Variants in AGBL1 observed in about 807,000 individuals in gnomAD.
AGBL1 encodes AGBL carboxypeptidase 1, also known as cytosolic carboxypeptidase 4.
A neutral mutation model predicts 118.9 loss-of-function variants in AGBL1; 130 were observed. That is an observed-to-expected ratio of 1.09 (90% confidence interval 0.95 to 1.26). The LOEUF (loss-of-function observed/expected upper bound fraction) is 1.26. Among genes scored for constraint, AGBL1 ranks in the 50% most tolerant of loss-of-function variants. The probability of loss-of-function intolerance (pLI) is 0.00; values close to 1 mark genes in which losing one functional copy is unlikely to be tolerated. For missense variants in AGBL1, 1,584 were observed against 1,298.1 expected, an observed-to-expected ratio of 1.22 and a Z score of -3.38; for synonymous variants, 555 against 478.9, an observed-to-expected ratio of 1.16 and a Z score of -2.08.
At chr15:86,492,367 A>C (rs543239362) in intron 18 of AGBL1, among the ~76,000 whole-genome samples, 14 of 152,214 alleles carry the variant, frequency 9.2e-5, no homozygotes, top group African/African-American at 3.4e-4. Context: ...AGGTGGGTGG[A>C]TCACTTGAGG....
intron 6 of AGBL1, among the ~76,000 whole-genome samples, chr15:86,241,527 T>C (rs2078640949): frequency 6.6e-6 from 1 of 152,292 alleles, no homozygotes; most frequent in East Asian, 1.9e-4. Flanking sequence ...TTTTTTTTTC[T>C]CACAGTTCTG....
At chr15:86,301,101 A>G (rs2079737341) in intron 17 of AGBL1, among the ~76,000 whole-genome samples, 1 of 152,086 alleles carries the variant, frequency 6.6e-6, no homozygotes, top group African/African-American at 2.4e-5. Flanking sequence ...CGTTGGGGAG[A>G]GCTGGAAGTG....
intron 19 of AGBL1, among the ~76,000 whole-genome samples, chr15:86,541,619 AG>A: frequency 3.8e-5 from 5 of 132,804 alleles, no homozygotes; most frequent in African/African-American, 1.2e-4. Flanking sequence ...AAAAAAAAAG[AG>A]AGAGAGAGAG....
chr15:87,001,812 C>T (rs568933007), intron 24 of AGBL1, among the ~76,000 whole-genome samples: 35 of 152,140 alleles, frequency 2.3e-4, no homozygotes, highest in Admixed American at 1.3e-4. Context: ...CCTTGGCCCA[C>T]TTTTTGATGG....
chr15:86,765,426 G>A (rs1284173148), intron 22 of AGBL1, among the ~76,000 whole-genome samples: 1 of 151,956 alleles, frequency 6.6e-6, no homozygotes, highest in Non-Finnish European at 1.5e-5. Context: ...GCTCTGCTAT[G>A]AGACATTTAG....
chr15:86,601,000 T>C (rs1221659331), intron 21 of AGBL1, among the ~76,000 whole-genome samples: 1 of 152,166 alleles, frequency 6.6e-6, no homozygotes, highest in East Asian at 1.9e-4. Context: ...ATTTGTAATT[T>C]CTTCAAACTT....
intron 9 of AGBL1, among the ~76,000 whole-genome samples, chr15:86,260,044 C>A (rs2078958020): frequency 6.6e-6 from 1 of 152,184 alleles, no homozygotes; most frequent in Non-Finnish European, 1.5e-5. Context: ...GAAAACTATT[C>A]TTCAAAAGGC....
intron 1 of AGBL1, chr15:86,088,487 T>C (rs1208124045): frequency 1.3e-5 from 2 of 152,240 alleles, no homozygotes; most frequent in Non-Finnish European, 2.9e-5. Flanking sequence ...GTTAGCCCAC[T>C]GGGGGTGGGC....
chr15:86,841,916 T>C (rs1280708045), intron 22 of AGBL1, among the ~76,000 whole-genome samples: 1 of 152,172 alleles, frequency 6.6e-6, no homozygotes, highest in Non-Finnish European at 1.5e-5. Context: ...TTATTAAATA[T>C]GGGACCTGAA....
chr15:86,992,346 G>A (rs531883489), intron 24 of AGBL1, among the ~76,000 whole-genome samples: 46 of 152,154 alleles, frequency 3.0e-4, no homozygotes, highest in Admixed American at 2.6e-3. Flanking sequence ...AGGTTTGGAG[G>A]GAAACATCGG....
At chr15:87,014,990 A>T (rs1010665627) in intron 24 of AGBL1, among the ~76,000 whole-genome samples, 1 of 152,078 alleles carries the variant, frequency 6.6e-6, no homozygotes, top group Admixed American at 6.6e-5. Flanking sequence ...AGTGGTGAAG[A>T]TTGCGCTCAA....
chr15:86,350,178 G>A (rs758933435), intron 17 of AGBL1, among the ~76,000 whole-genome samples: 1 of 152,164 alleles, frequency 6.6e-6, no homozygotes, highest in Non-Finnish European at 1.5e-5. Context: ...GTGTGCCAGG[G>A]ATGTTTTCAC....
chr15:86,805,965 G>T (rs982992601), intron 22 of AGBL1, among the ~76,000 whole-genome samples: 32 of 152,116 alleles, frequency 2.1e-4, no homozygotes, highest in African/African-American at 6.8e-4. Flanking sequence ...TACTAATGGG[G>T]TCTATGCTGA....
chr15:86,422,683 T>C (rs1297762702), intron 18 of AGBL1, among the ~76,000 whole-genome samples: 8 of 151,542 alleles, frequency 5.3e-5, no homozygotes, highest in South Asian at 4.2e-4. Context: ...ATTAACAAAA[T>C]AGATAGACCA....
chr15:86,917,771 G>A (rs1406276210), downstream of AGBL1, among the ~76,000 whole-genome samples: 1 of 104,200 alleles, frequency 9.6e-6, no homozygotes, highest in East Asian at 2.5e-4. This position sits in a 1 kb window ranked among gnomAD's most constrained non-coding sequence, Gnocchi z 4.8. Flanking sequence ...GTGTGCACTG[G>A]GAGAGAAGGA....
chr15:86,080,268 T>G, intron 1 of AGBL1: 1 of 346,676 alleles, frequency 2.9e-6, no homozygotes, highest in Non-Finnish European at 5.2e-6. Flanking sequence ...TCAGAGGCTC[T>G]GGGTAAAAGA....
chr15:86,236,823 C>T (rs1352573133), intron 6 of AGBL1, among the ~76,000 whole-genome samples: 1 of 149,346 alleles, frequency 6.7e-6, no homozygotes, highest in East Asian at 2.0e-4. Context: ...TTGGTTTGAC[C>T]AGGCGTGTCA....
intron 13 of AGBL1, among the ~76,000 whole-genome samples, chr15:86,268,664 G>C (rs2079110335): frequency 6.6e-6 from 1 of 152,070 alleles, no homozygotes; most frequent in South Asian, 2.1e-4. Flanking sequence ...ACAATTTGAG[G>C]GTCATAGACT....
rs548203174 is a variant in AGBL1, at chr15:86,258,973, G to C, written c.969+942G>C. Among the ~76,000 whole-genome samples, 386 of 152,296 alleles carry C rather than the reference G, an allele frequency of 2.5e-3. 3 individuals carry two copies. The highest frequency in any genetic ancestry group is 8.9e-3 in the African/African-American group (371 of 41,570). ...GCCCGCCTCAGCCTCCCAAAGTACT[G>C]GGATTACAGGCATGAGCCACTGTGC... On this transcript the variant is annotated intron_variant, in intron 9 of 22. Coordinates refer to ENST00000614907, the MANE Select transcript of AGBL1 (RefSeq NM_001386094.1).
Sources: allele counts gnomAD v4.1 joint callset (sites outside exome capture counted in the v4.1 genomes callset), GRCh38; gene constraint gnomAD v4.1.1; non-coding constraint Gnocchi (gnomAD v3.1); transcripts MANE v1.5; gene names NCBI Gene and HGNC (gene_info 2026-07-23, HGNC 2026-07-21).